The following DYRK4 variants were observed in gnomAD, a reference collection of about 807,000 sequenced individuals.
DYRK4 encodes the protein dual specificity tyrosine-phosphorylation-regulated kinase 4.
In DYRK4, 64 loss-of-function variants were observed where a neutral mutation model predicts 68.3. The ratio of observed to expected loss-of-function variants is 0.94; its 90% CI spans 0.77 to 1.15. DYRK4 has a LOEUF of 1.15. Among genes scored for constraint, DYRK4 ranks in the 50% most tolerant of loss-of-function variants. DYRK4 has a pLI of 0.00. For missense variants in DYRK4, 740 were observed against 764.7 expected (o/e 0.97, Z 0.38); for synonymous variants, 274 against 289.9 (o/e 0.95, Z 0.56).
chr12:4,564,574 A>G (rs1452456195), intron 1 of DYRK4: 1 of 152,206 alleles, frequency 6.6e-6, no homozygotes, highest in Non-Finnish European at 1.5e-5. Flanking sequence ...ATATTAATAT[A>G]AAATACTATG....
rs35113975 is a variant in DYRK4, at chr12:4,612,640, C to T, written c.1588C>T (p.Leu530=). 1.3e-5 allele frequency: 21 copies of T among 1,614,238 alleles called. No individual in the cohort carries two copies. Among genetic ancestry groups the T allele is most frequent in the Non-Finnish European group, 1.8e-5 (21 of 1,180,040 alleles). ...CAAGCCACAGCCCAGGCCCCAGACC[C>T]TGAGGAAATCCAATTCCTTTTTCCC... ...NLKPQPRPQT[L]RKSNSFFPSE... The change falls in exon 14 of 15, where the codon CTG becomes TTG. Residue 530 remains leucine (L), a synonymous_variant. Coordinates refer to ENST00000543431, the MANE Select transcript of DYRK4 (RefSeq NM_001394779.1).
chr12:4,605,728 G>GTTTTTTTTTTTTTTTTTTTTTTT, intron 11 of DYRK4, among the ~76,000 whole-genome samples: 2 of 68,938 alleles, frequency 2.9e-5, no homozygotes, highest in Non-Finnish European at 5.0e-5. Context: ...AATAGAGCTG[G>GTTTTTTTTTTTTTTTTTTTTTTT]GTTTTTTTTT....
At chr12:4,575,299 C>CTGTGTGTGTGTGTGTGTGTGTGTGTGTG (rs35874260) in intron 2 of DYRK4, among the ~76,000 whole-genome samples, 4 of 148,966 alleles carry the variant, frequency 2.7e-5, no homozygotes, top group Admixed American at 6.7e-5. Context: ...CAATAACTTA[C>CTGTGTGTGTGTGTGTGTGTGTGTGTGTG]TGTGTGTGTG....
At chr12:4,595,586 C>T (rs886112370) in intron 6 of DYRK4, among the ~76,000 whole-genome samples, 10 of 152,130 alleles carry the variant, frequency 6.6e-5, no homozygotes, top group African/African-American at 2.4e-4. Context: ...GTACTGCTAA[C>T]TCCAGGATAG....
chr12:4,603,897 A>G (rs1449717504), intron 10 of DYRK4, among the ~76,000 whole-genome samples: 2 of 152,092 alleles, frequency 1.3e-5, no homozygotes, highest in South Asian at 2.1e-4. Flanking sequence ...CCCCCTTTGC[A>G]TATTTTCTGA....
intron 1 of DYRK4, among the ~76,000 whole-genome samples, chr12:4,565,450 T>C (rs942881744): frequency 5.9e-5 from 9 of 152,052 alleles, no homozygotes; most frequent in African/African-American, 2.2e-4. Flanking sequence ...GATGAGGAAA[T>C]AGCACAGAGA....
chr12:4,582,186 G>A (rs983938214), intron 2 of DYRK4, among the ~76,000 whole-genome samples: 10 of 152,230 alleles, frequency 6.6e-5, no homozygotes, highest in African/African-American at 1.2e-4. Context: ...GCTCACGCCT[G>A]TAATCCCAGC....
intron 2 of DYRK4, among the ~76,000 whole-genome samples, chr12:4,582,305 G>A (rs1050434297): frequency 6.6e-6 from 1 of 152,164 alleles, no homozygotes; most frequent in African/African-American, 2.4e-5. Flanking sequence ...TTAGCCAGGC[G>A]TGGTGGCGCG....
chr12:4,605,729 GTTTTTT>G (rs58963826), intron 11 of DYRK4, among the ~76,000 whole-genome samples: 1,831 of 102,142 alleles, frequency 0.018, 62 homozygotes, highest in African/African-American at 0.058. Flanking sequence ...ATAGAGCTGG[GTTTTTT>G]TTTTTTTTTT....
chr12:4,610,380 T>C, intron 13 of DYRK4, 96 bp downstream of exon 13: 1 of 1,277,908 alleles, frequency 7.8e-7, no homozygotes, highest in Non-Finnish European at 1.1e-6. Flanking sequence ...GGGAGATAGT[T>C]ATAAAAGTAA....
chr12:4,608,452 C>T (rs1445251035), intron 12 of DYRK4, among the ~76,000 whole-genome samples: 1 of 152,194 alleles, frequency 6.6e-6, no homozygotes, highest in Non-Finnish European at 1.5e-5. Context: ...GTCCAAAACA[C>T]TCTCGTGGGG....
chr12:4,597,148 A>G, intron 8 of DYRK4: 2 of 1,045,342 alleles, frequency 1.9e-6, no homozygotes, highest in Non-Finnish European at 2.3e-6. Context: ...ATGGGTTTTG[A>G]TTTTGAGTAA....
intron 2 of DYRK4, among the ~76,000 whole-genome samples, chr12:4,583,395 C>T (rs933695004): frequency 3.9e-5 from 6 of 152,008 alleles, no homozygotes; most frequent in Non-Finnish European, 8.8e-5. Context: ...ACGTCCCCAT[C>T]GTTCACCCGC....
intron 7 of DYRK4, 78 bp from the exon 8 acceptor site, chr12:4,596,511 C>A: frequency 1.3e-6 from 2 of 1,551,916 alleles, no homozygotes; most frequent in Non-Finnish European, 1.7e-6. Context: ...TGGGGAGGGG[C>A]TGACTGCTGC....
intron 2 of DYRK4, among the ~76,000 whole-genome samples, chr12:4,580,352 T>G (rs1457080797): frequency 6.6e-6 from 1 of 152,204 alleles, no homozygotes; most frequent in Admixed American, 6.5e-5. Context: ...GGTGCAGCTG[T>G]GGCTGTTGGT....
chr12:4,582,906 G>A (rs767470323), intron 2 of DYRK4, among the ~76,000 whole-genome samples: 29 of 152,120 alleles, frequency 1.9e-4, no homozygotes, highest in Admixed American at 9.2e-4. Flanking sequence ...AGGAGATGGA[G>A]GCAACTTACT....
rs370360080 is a variant in DYRK4 at position 4,604,920 on chromosome 12, C to G, written c.1133C>G (p.Thr378Arg). The change falls in exon 11 of 15, where the codon ACG (threonine) becomes AGG (arginine). Residue 378 changes from threonine to arginine, a missense_variant. Around this residue, in one of 3 missense-constraint regions of DYRK4, gnomAD observed 614 missense variants for 603.7 expected, o/e 1.02. Coordinates refer to ENST00000543431, the MANE Select transcript of DYRK4 (RefSeq NM_001394779.1). ...TCTTACTTTGCCTCCGCAGTATACA[C>G]GTACATCCAAAGCCGGTTCTACCGA... is the stretch of plus-strand genomic sequence containing the variant. ...SSCYEHQKVY[T>R]YIQSRFYRSP... The G allele has an allele frequency of 1.1e-5, 18 of 1,607,322 alleles. No homozygotes were observed. The highest frequency in any genetic ancestry group is 1.4e-5 in the Non-Finnish European group (17 of 1,176,360).
chr12:4,592,797 G>A, intron 5 of DYRK4: 3 of 522,890 alleles, frequency 5.7e-6, no homozygotes, highest in South Asian at 3.3e-5. Context: ...TTCCTTTCTC[G>A]ATTTGTTGAA....
At chr12:4,569,876 C>T (rs1944713434) in intron 2 of DYRK4, among the ~76,000 whole-genome samples, 1 of 152,002 alleles carries the variant, frequency 6.6e-6, no homozygotes, top group African/African-American at 2.4e-5. Context: ...AGAAAGCAAA[C>T]TCTGTTGCAG....
Sources: gnomAD v4.1 joint callset for allele counts (sites outside exome capture counted in the v4.1 genomes callset) on GRCh38, gnomAD v4.1.1 for gene constraint, gnomAD v4.1.1 regional missense constraint, MANE v1.5 for transcripts, NCBI Gene and HGNC (gene_info 2026-07-23, HGNC 2026-07-21) for gene names.